Variants in UVRAG observed in about 807,000 individuals in gnomAD.
UVRAG encodes the protein UV radiation resistance associated, also known as UV radiation resistance-associated gene protein.
Under a neutral mutation model 78.0 loss-of-function variants are expected in UVRAG, and 19 were observed. That is an observed-to-expected ratio of 0.24 (90% CI 0.17 to 0.36). The LOEUF is 0.36. UVRAG is among the 10% of genes least tolerant of loss of function. The pLI, the probability that UVRAG is intolerant of heterozygous loss-of-function variation, is 1.00. For missense variants in UVRAG, 740 were observed against 853.8 expected, an observed-to-expected ratio of 0.87 and a Z score of 1.66; for synonymous variants, 323 against 324.6, an observed-to-expected ratio of 1.00 and a Z score of 0.05.
intron 11 of UVRAG, among the ~76,000 whole-genome samples, chr11:76,014,004 T>C (rs1163291161): frequency 6.6e-6 from 1 of 152,240 alleles, no homozygotes; most frequent in Non-Finnish European, 1.5e-5. Flanking sequence ...GTGAATAACC[T>C]GAATCAAAGC....
At chr11:76,067,032 T>C (rs1329974966) in intron 13 of UVRAG, among the ~76,000 whole-genome samples, 1 of 152,162 alleles carries the variant, frequency 6.6e-6, no homozygotes, top group Non-Finnish European at 1.5e-5. Flanking sequence ...TCTAGAATTA[T>C]TCCTCTATGT....
chr11:76,099,650 A>G (rs770186583), intron 13 of UVRAG, among the ~76,000 whole-genome samples: 4 of 152,124 alleles, frequency 2.6e-5, no homozygotes, highest in African/African-American at 4.8e-5. Context: ...ACATCCCTCA[A>G]TAGAATATTA....
chr11:75,846,007 C>T (rs763277853), intron 1 of UVRAG, among the ~76,000 whole-genome samples: 3 of 151,956 alleles, frequency 2.0e-5, no homozygotes, highest in Non-Finnish European at 4.4e-5. Flanking sequence ...TTAATTACTC[C>T]GAATGTTTTT....
At chr11:75,993,738 C>T (rs1949655699) in intron 8 of UVRAG, among the ~76,000 whole-genome samples, 1 of 152,034 alleles carries the variant, frequency 6.6e-6, no homozygotes. Context: ...TAATGAAATA[C>T]CTGATGCTGG....
chr11:76,068,631 T>G (rs1191024737), intron 13 of UVRAG, among the ~76,000 whole-genome samples: 1 of 152,216 alleles, frequency 6.6e-6, no homozygotes, highest in Non-Finnish European at 1.5e-5. Context: ...GTTGTGACCT[T>G]TCACTTTTTT....
intron 6 of UVRAG, among the ~76,000 whole-genome samples, chr11:75,917,092 G>A (rs1172359721): frequency 6.6e-6 from 1 of 152,218 alleles, no homozygotes; most frequent in East Asian, 1.9e-4. Context: ...TTACTTTCAG[G>A]AAGGGACTGT....
chr11:75,958,079 C>T (rs1029527913), intron 6 of UVRAG, among the ~76,000 whole-genome samples: 2 of 152,160 alleles, frequency 1.3e-5, no homozygotes, highest in Non-Finnish European at 2.9e-5. Context: ...AAAATGCTAA[C>T]GATCATCTGA....
chr11:76,070,126 A>G (rs1951274256), intron 13 of UVRAG, among the ~76,000 whole-genome samples: 1 of 152,212 alleles, frequency 6.6e-6, no homozygotes, highest in Non-Finnish European at 1.5e-5. Context: ...CAGCCTCTGT[A>G]AAGGACATAC....
chr11:75,826,574 C>T (rs1945517653), intron 1 of UVRAG, among the ~76,000 whole-genome samples: 1 of 152,176 alleles, frequency 6.6e-6, no homozygotes, highest in Non-Finnish European at 1.5e-5. Flanking sequence ...GCAGAGCACT[C>T]AGAGTCCACC....
chr11:76,063,474 CGT>C (rs1951130668), intron 12 of UVRAG, among the ~76,000 whole-genome samples: 2 of 152,094 alleles, frequency 1.3e-5, no homozygotes, highest in Non-Finnish European at 2.9e-5. Context: ...CTGTCACACA[CGT>C]AATCTATTTA....
At chr11:76,133,931 A>G (rs1591272122) in intron 14 of UVRAG, among the ~76,000 whole-genome samples, 1 of 149,818 alleles carries the variant, frequency 6.7e-6, no homozygotes, top group Non-Finnish European at 1.5e-5. Context: ...AATCTCTTTT[A>G]TACTTTTTTT....
At chr11:75,989,782 G>A (rs997285918) in intron 8 of UVRAG, among the ~76,000 whole-genome samples, 2 of 152,012 alleles carry the variant, frequency 1.3e-5, no homozygotes, top group African/African-American at 2.4e-5. Flanking sequence ...TCTTATCTTC[G>A]CACTTATTTG....
At chr11:75,818,102 C>A (rs1945301920) in intron 1 of UVRAG, among the ~76,000 whole-genome samples, 3 of 151,822 alleles carry the variant, frequency 2.0e-5, no homozygotes, top group Admixed American at 2.0e-4. Context: ...CCCCCAAAAA[C>A]CCCAAAATTA....
chr11:75,928,109 GA>G (rs374451058), intron 6 of UVRAG, among the ~76,000 whole-genome samples: 31 of 147,768 alleles, frequency 2.1e-4, no homozygotes, highest in Middle Eastern at 3.4e-3. Flanking sequence ...TCTCTAAAAA[GA>G]AAAAAAAAAT....
intron 12 of UVRAG, among the ~76,000 whole-genome samples, chr11:76,060,601 G>A (rs1951065414): frequency 2.0e-5 from 3 of 152,256 alleles, no homozygotes; most frequent in South Asian, 4.1e-4. Flanking sequence ...GCAGCACGGC[G>A]CTTGCGGGCC....
intron 3 of UVRAG, among the ~76,000 whole-genome samples, chr11:75,878,005 C>G (rs1404718766): frequency 4.1e-4 from 62 of 149,792 alleles, no homozygotes; most frequent in African/African-American, 1.5e-3. Context: ...CGGGCGGAGA[C>G]GCTCCTCACT....
rs1950782082 is a variant in UVRAG at position 76,047,503 on chromosome 11, T to TC, written c.1227-18203dup. Among the ~76,000 whole-genome samples, 9 of 152,264 alleles carry TC rather than the reference T, an allele frequency of 5.9e-5. No homozygotes were observed. The South Asian group carries it at 1.7e-3, about 28-fold the overall frequency. ...CATGCTGAGTTATATTGTGGTTCTC[T>TC]CCCCACTGGCACCCTGCCTCTTAAA... On this transcript the variant is annotated intron_variant, in intron 12 of 14. Coordinates refer to ENST00000356136, the MANE Select transcript of UVRAG (RefSeq NM_003369.4).
chr11:76,034,578 CTTTT>C (rs1009839930), intron 12 of UVRAG, among the ~76,000 whole-genome samples: 2 of 152,048 alleles, frequency 1.3e-5, no homozygotes, highest in African/African-American at 4.8e-5. Flanking sequence ...TAGCTTCTTT[CTTTT>C]TATTAACATA....
In UVRAG at chr11:76,060,497, G is replaced by T. The variant is rs1951062555; in HGVS notation, c.1227-5213G>T. ...GAGCCCTTCAGCCCACCGCTGCACT[G>T]TGGGAGCCCCTTTCTGGGCTGGCCA... On this transcript the variant is annotated intron_variant, in intron 12 of 14. Coordinates refer to ENST00000356136, the MANE Select transcript of UVRAG (RefSeq NM_003369.4). Among the ~76,000 whole-genome samples the T allele has an allele frequency of 2.0e-5, 3 of 152,384 alleles. No homozygotes were observed. In the South Asian group the frequency reaches 6.2e-4, roughly 32 times the overall value.
Sources: gnomAD v4.1 joint callset for allele counts (sites outside exome capture counted in the v4.1 genomes callset) on GRCh38, gnomAD v4.1.1 for gene constraint, MANE v1.5 for transcripts, NCBI Gene and HGNC (gene_info 2026-07-23, HGNC 2026-07-21) for gene names.